Variants in ASIC2 observed in about 807,000 individuals in gnomAD.
The protein encoded by ASIC2 is acid-sensing ion channel 2.
In ASIC2, 25 loss-of-function variants were observed where a neutral mutation model predicts 57.3. That is an observed-to-expected ratio of 0.44 (90% CI 0.32 to 0.61). The LOEUF (loss-of-function observed/expected upper bound fraction) is 0.61, where lower values mean the gene tolerates loss of function less well. Ranked by LOEUF, ASIC2 falls within the 20% of genes least tolerant of loss-of-function variation. ASIC2 has a pLI of 0.06. For synonymous variants in ASIC2, 319 were observed against 307.5 expected, an observed-to-expected ratio of 1.04 and a Z score of -0.39; for missense variants, 641 against 738.1, an observed-to-expected ratio of 0.87 and a Z score of 1.52.
chr17:33,288,750 A>G (rs1905297016), intron 1 of ASIC2, among the ~76,000 whole-genome samples: 1 of 133,410 alleles, frequency 7.5e-6, no homozygotes, highest in Admixed American at 7.6e-5. Context: ...ACACACACAC[A>G]CACACACACA....
At chr17:33,876,067 C>T (rs1288924886) in intron 1 of ASIC2, among the ~76,000 whole-genome samples, 3 of 152,128 alleles carry the variant, frequency 2.0e-5, no homozygotes, top group African/African-American at 7.2e-5. Context: ...ATTCAAAGTA[C>T]TTGGGATCGA....
intron 1 of ASIC2, among the ~76,000 whole-genome samples, chr17:33,970,178 T>A (rs62057451): frequency 6.6e-6 from 1 of 152,042 alleles, no homozygotes; most frequent in Non-Finnish European, 1.5e-5. Context: ...CTCTACCCAC[T>A]AGATGCCAGT....
intron 7 of ASIC2, among the ~76,000 whole-genome samples, chr17:33,018,586 A>C (rs1490622844): frequency 1.3e-5 from 2 of 152,196 alleles, no homozygotes. Context: ...TCAAAAGCTT[A>C]AGATGCTTTG....
At chr17:33,129,907 G>A (rs867635613) in intron 1 of ASIC2, among the ~76,000 whole-genome samples, 1 of 152,196 alleles carries the variant, frequency 6.6e-6, no homozygotes, top group Non-Finnish European at 1.5e-5. Flanking sequence ...GCAAATGGTC[G>A]TGGTTTTCCT....
intron 1 of ASIC2, among the ~76,000 whole-genome samples, chr17:33,424,674 A>G (rs919494925): frequency 6.6e-6 from 1 of 152,190 alleles, no homozygotes; most frequent in Non-Finnish European, 1.5e-5. Context: ...ATCAACTTTC[A>G]TTATTTTTCA....
At chr17:33,143,299 A>G (rs975824153) in intron 1 of ASIC2, among the ~76,000 whole-genome samples, 1 of 152,228 alleles carries the variant, frequency 6.6e-6, no homozygotes, top group Non-Finnish European at 1.5e-5. Flanking sequence ...AGTCTTTTGC[A>G]TTCTAGGGAG....
chr17:33,036,716 G>C (rs1275592929), intron 3 of ASIC2, among the ~76,000 whole-genome samples: 1 of 152,150 alleles, frequency 6.6e-6, no homozygotes, highest in East Asian at 1.9e-4. Context: ...CCTTTCTTTT[G>C]TTTTTCTCTA....
At chr17:33,723,734 G>A (rs983704991) in intron 1 of ASIC2, among the ~76,000 whole-genome samples, 1 of 152,138 alleles carries the variant, frequency 6.6e-6, no homozygotes. Context: ...ATCTGGGAAG[G>A]GACATAAGAG....
chr17:33,867,514 G>A (rs1014494986), intron 1 of ASIC2, among the ~76,000 whole-genome samples: 1 of 152,178 alleles, frequency 6.6e-6, no homozygotes, highest in African/African-American at 2.4e-5. Context: ...CAAAGACTGG[G>A]CCCTTTTGCC....
chr17:33,456,795 C>T (rs1912466864), intron 1 of ASIC2, among the ~76,000 whole-genome samples: 2 of 152,208 alleles, frequency 1.3e-5, no homozygotes, highest in South Asian at 4.1e-4. Context: ...AGACAAACGT[C>T]CTTTCAAAGC....
chr17:33,507,629 C>T (rs369939517), intron 1 of ASIC2, among the ~76,000 whole-genome samples: 1 of 151,950 alleles, frequency 6.6e-6, no homozygotes, highest in Non-Finnish European at 1.5e-5. Context: ...AATGGCTGGG[C>T]GTGGTGGCTC....
intron 3 of ASIC2, among the ~76,000 whole-genome samples, chr17:33,059,284 C>A (rs938912127): frequency 1.4e-4 from 22 of 152,150 alleles, no homozygotes; most frequent in African/African-American, 4.1e-4. Context: ...CATTAGGTAT[C>A]TCTCCTAATG....
At chr17:33,350,497 G>T (rs112519168) in intron 1 of ASIC2, among the ~76,000 whole-genome samples, 4 of 152,060 alleles carry the variant, frequency 2.6e-5, no homozygotes, top group African/African-American at 9.6e-5. Flanking sequence ...CTGGCCAACA[G>T]GACGAAACCC....
chr17:33,881,385 C>T (rs1356063345), intron 1 of ASIC2, among the ~76,000 whole-genome samples: 1 of 152,182 alleles, frequency 6.6e-6, no homozygotes, highest in Non-Finnish European at 1.5e-5. Context: ...CCAAAATCTC[C>T]TTAAACTGAT....
At chr17:34,102,113 A>C (rs1210797166) in intron 1 of ASIC2, among the ~76,000 whole-genome samples, 1 of 151,942 alleles carries the variant, frequency 6.6e-6, no homozygotes, top group East Asian at 1.9e-4. Flanking sequence ...GTTCGAGACT[A>C]GCCTGGCCAA....
intron 1 of ASIC2, among the ~76,000 whole-genome samples, chr17:33,443,309 T>C (rs1401897178): frequency 6.6e-6 from 1 of 152,068 alleles, no homozygotes; most frequent in African/African-American, 2.4e-5. Flanking sequence ...CCGGAGCTTA[T>C]GTAGGATTGG....
At chr17:33,789,329 T>C (rs1911697433) in intron 1 of ASIC2, among the ~76,000 whole-genome samples, 1 of 152,232 alleles carries the variant, frequency 6.6e-6, no homozygotes, top group African/African-American at 2.4e-5. Context: ...TGCTGATTCC[T>C]CACTGTGGTC....
At chr17:33,572,860 C>A (rs1916495811) in intron 1 of ASIC2, among the ~76,000 whole-genome samples, 1 of 152,236 alleles carries the variant, frequency 6.6e-6, no homozygotes, top group African/African-American at 2.4e-5. Context: ...CAGCTGTCAT[C>A]TCTGGGAACA....
In ASIC2 at chr17:33,053,956, C is replaced by A. The variant is rs1287110382; in HGVS notation, c.988-25564G>T. 4.6e-5 allele frequency among the ~76,000 whole-genome samples: 7 copies of A among 152,180 alleles called. 1 individual carries two copies. The highest frequency in any genetic ancestry group is 4.6e-4 in the Admixed American group (7 of 15,284). ...ATGCTTTTAATACTTAGCCATCTAA[C>A]ACTTCAAACATAATCCAGAATAAAT... On this transcript the variant is annotated intron_variant, in intron 3 of 9. Coordinates refer to ENST00000225823, the MANE Select transcript of ASIC2 (RefSeq NM_183377.2).
Sources: allele counts gnomAD v4.1 joint callset (sites outside exome capture counted in the v4.1 genomes callset), GRCh38; gene constraint gnomAD v4.1.1; transcripts MANE v1.5; gene names NCBI Gene and HGNC (gene_info 2026-07-23, HGNC 2026-07-21).